The following PRKCE variants were observed in gnomAD, a reference collection of about 807,000 sequenced individuals.
PRKCE encodes the protein protein kinase C epsilon, also known as protein kinase C epsilon type.
In PRKCE, 16 loss-of-function variants were observed where a neutral mutation model predicts 85.4. That is an observed-to-expected ratio of 0.19 (90% CI 0.13 to 0.28). PRKCE has a LOEUF of 0.28. PRKCE is among the 10% of genes least tolerant of loss of function. The pLI is 1.00. For missense variants in PRKCE, 573 were observed against 975.2 expected, an observed-to-expected ratio of 0.59 and a Z score of 5.49; for synonymous variants, 388 against 371.5, an observed-to-expected ratio of 1.04 and a Z score of -0.51.
chr2:46,073,220 A>T (rs1009737901), intron 10 of PRKCE, among the ~76,000 whole-genome samples: 1 of 152,196 alleles, frequency 6.6e-6, no homozygotes, highest in African/African-American at 2.4e-5. Context: ...ATTGTAGAAC[A>T]AGGCAGCACG....
chr2:45,920,327 A>G (rs981901274), intron 2 of PRKCE, among the ~76,000 whole-genome samples: 1 of 152,202 alleles, frequency 6.6e-6, no homozygotes, highest in Non-Finnish European at 1.5e-5. Flanking sequence ...GGACTATAAA[A>G]TGGTGCAGAC....
chr2:45,700,037 C>T (rs1678492269), intron 1 of PRKCE, among the ~76,000 whole-genome samples: 1 of 151,946 alleles, frequency 6.6e-6, no homozygotes, highest in Non-Finnish European at 1.5e-5. Context: ...AGGCCCAGCC[C>T]ACCAGTGGAA....
chr2:45,916,804 T>A (rs1697819103), intron 2 of PRKCE, among the ~76,000 whole-genome samples: 1 of 152,206 alleles, frequency 6.6e-6, no homozygotes, highest in South Asian at 2.1e-4. Flanking sequence ...AATGAAGCCG[T>A]GGACCCTCAC....
At chr2:46,008,342 T>C (rs375730950) in intron 9 of PRKCE, among the ~76,000 whole-genome samples, 14 of 152,216 alleles carry the variant, frequency 9.2e-5, no homozygotes, top group African/African-American at 3.1e-4. Context: ...TCAGCCACCA[T>C]TCCGATGGCT....
chr2:46,030,453 G>C (rs1707436482), intron 10 of PRKCE, among the ~76,000 whole-genome samples: 1 of 152,146 alleles, frequency 6.6e-6, no homozygotes, highest in Admixed American at 6.5e-5. Context: ...GGTAGTGGGG[G>C]TTAGAGAGAG....
At chr2:45,817,739 C>T (rs56847089) in intron 1 of PRKCE, among the ~76,000 whole-genome samples, 31,934 of 152,106 alleles carry the variant, frequency 0.21, 3,529 homozygotes, top group South Asian at 0.26. Context: ...CTGCTGACAC[C>T]GAGGCTTTGC....
At chr2:46,128,257 T>C (rs530695675) in intron 11 of PRKCE, among the ~76,000 whole-genome samples, 1 of 152,206 alleles carries the variant, frequency 6.6e-6, no homozygotes, top group Non-Finnish European at 1.5e-5. Flanking sequence ...TTCGAATCTG[T>C]TTACATGACA....
rs967102555 is a variant in PRKCE, at chr2:45,895,672, T to A, written c.412+52609T>A. 6.6e-6 allele frequency among the ~76,000 whole-genome samples: 1 copy of A among 152,196 alleles called. No homozygotes were observed. Among genetic ancestry groups the A allele is most frequent in the African/African-American group, 2.4e-5 (1 of 41,448 alleles). ...GGTAGATGATGTCAGCTTTTCCATCTCAGCTGAATCAAATTGTACGGAGCC... is the reference window on the plus strand; with the variant it reads ...GGTAGATGATGTCAGCTTTTCCATCACAGCTGAATCAAATTGTACGGAGCC... On this transcript the variant is annotated intron_variant, in intron 2 of 14. Coordinates refer to ENST00000306156, the MANE Select transcript of PRKCE (RefSeq NM_005400.3). This position sits in a 1 kb window ranked among gnomAD's most constrained non-coding sequence, Gnocchi z 4.8.
At chr2:45,745,926 G>C (rs939391881) in intron 1 of PRKCE, among the ~76,000 whole-genome samples, 5 of 152,242 alleles carry the variant, frequency 3.3e-5, no homozygotes, top group African/African-American at 1.2e-4. Context: ...GGTCATTATA[G>C]ATGTCGTCAC....
At chr2:45,901,571 T>G (rs2103721817) in intron 2 of PRKCE, among the ~76,000 whole-genome samples, 1 of 152,376 alleles carries the variant, frequency 6.6e-6, no homozygotes, top group South Asian at 2.1e-4. Flanking sequence ...TATTTAAAGC[T>G]GTGAGTGTAA....
At chr2:46,119,393 C>T (rs1375086171) in intron 11 of PRKCE, among the ~76,000 whole-genome samples, 1 of 151,784 alleles carries the variant, frequency 6.6e-6, no homozygotes, top group Non-Finnish European at 1.5e-5. Flanking sequence ...AATGATGTCA[C>T]TTAATCTTTA....
chr2:45,722,379 T>C (rs1680695070), intron 1 of PRKCE, among the ~76,000 whole-genome samples: 1 of 152,282 alleles, frequency 6.6e-6, no homozygotes, highest in African/African-American at 2.4e-5. Flanking sequence ...TGGACTCTCC[T>C]GAGAGTAAGA....
chr2:45,879,571 C>T (rs927135640), intron 2 of PRKCE, among the ~76,000 whole-genome samples: 1 of 152,196 alleles, frequency 6.6e-6, no homozygotes, highest in Non-Finnish European at 1.5e-5. Context: ...TCAGATGTTG[C>T]AGGTACTCTC....
intron 1 of PRKCE, among the ~76,000 whole-genome samples, chr2:45,826,945 A>G (rs1358629641): frequency 6.6e-6 from 1 of 152,312 alleles, no homozygotes; most frequent in East Asian, 1.9e-4. Flanking sequence ...TAGGCTCCTA[A>G]GTTGCCTTCC....
At chr2:45,721,681 C>T (rs1398034053) in intron 1 of PRKCE, among the ~76,000 whole-genome samples, 1 of 151,904 alleles carries the variant, frequency 6.6e-6, no homozygotes, top group Non-Finnish European at 1.5e-5. Context: ...AGTTAGAGAC[C>T]ACCTGGGCAA....
intron 2 of PRKCE, among the ~76,000 whole-genome samples, chr2:45,973,928 A>G (rs570357318): frequency 1.3e-5 from 2 of 152,382 alleles, no homozygotes; most frequent in East Asian, 3.9e-4. Context: ...TTTGTAAATC[A>G]AATTGCATCT....
chr2:45,813,535 C>T (rs894922263), intron 1 of PRKCE, among the ~76,000 whole-genome samples: 3 of 152,164 alleles, frequency 2.0e-5, no homozygotes, highest in Non-Finnish European at 2.9e-5. Context: ...CCATGTGGGA[C>T]ATGAGAGTTG....
At chr2:46,078,720 C>G (rs1490724204) in intron 10 of PRKCE, 2 of 152,170 alleles carry the variant, frequency 1.3e-5, no homozygotes, top group Admixed American at 6.5e-5. Context: ...CTCTGCTTAC[C>G]TCTGCCCTTC....
chr2:46,009,282 G>A (rs1043362530), intron 9 of PRKCE, among the ~76,000 whole-genome samples: 1 of 152,032 alleles, frequency 6.6e-6, no homozygotes, highest in Admixed American at 6.5e-5. Flanking sequence ...TATAAAACAG[G>A]CTTAGAAAAC....
Sources: allele counts gnomAD v4.1 joint callset (sites outside exome capture counted in the v4.1 genomes callset), GRCh38; gene constraint gnomAD v4.1.1; non-coding constraint Gnocchi (gnomAD v3.1); transcripts MANE v1.5; gene names NCBI Gene and HGNC (gene_info 2026-07-23, HGNC 2026-07-21).